OPCML: variants seen among roughly 807,000 people sequenced by gnomAD.
The protein encoded by OPCML is opioid-binding protein/cell adhesion molecule.
A neutral mutation model predicts 37.8 loss-of-function variants in OPCML; 13 were observed. The ratio of observed to expected loss-of-function variants is 0.34; its 90% CI spans 0.22 to 0.55. The LOEUF is 0.55. Ranked by LOEUF, OPCML falls within the 20% of genes least tolerant of loss-of-function variation. The pLI, the probability that OPCML is intolerant of heterozygous loss-of-function variation, is 0.91. For missense variants in OPCML, 341 were observed against 435.6 expected, an observed-to-expected ratio of 0.78 and a Z score of 1.93; for synonymous variants, 176 against 168.8, an observed-to-expected ratio of 1.04 and a Z score of -0.33.
At chr11:132,766,078 C>A (rs1946433680) in intron 2 of OPCML, among the ~76,000 whole-genome samples, 1 of 146,528 alleles carries the variant, frequency 6.8e-6, no homozygotes, top group East Asian at 2.1e-4. Flanking sequence ...AATAAAATGT[C>A]ATGGTCCCAT....
chr11:133,077,426 G>A (rs570751500), intron 1 of OPCML, among the ~76,000 whole-genome samples: 11 of 152,192 alleles, frequency 7.2e-5, no homozygotes, highest in East Asian at 5.8e-4. Flanking sequence ...ACCTAATGAC[G>A]CTTGTAAAAC....
chr11:132,489,388 A>G (rs2096209170), intron 4 of OPCML, among the ~76,000 whole-genome samples: 1 of 152,226 alleles, frequency 6.6e-6, no homozygotes, highest in African/African-American at 2.4e-5. Context: ...TATAAGTAAA[A>G]GGAGTATGAT....
At chr11:133,404,632 G>A (rs558913134) in intron 1 of OPCML, among the ~76,000 whole-genome samples, 6 of 152,336 alleles carry the variant, frequency 3.9e-5, no homozygotes, top group East Asian at 1.9e-4. Flanking sequence ...AGAAGAGGTC[G>A]ATTGAGTAGT....
chr11:132,426,147 C>A (rs2136677196), intron 7 of OPCML, among the ~76,000 whole-genome samples: 2 of 152,202 alleles, frequency 1.3e-5, no homozygotes, highest in Non-Finnish European at 2.9e-5. Context: ...AACACAGTGA[C>A]AACAACAAAA....
At chr11:133,312,720 T>A (rs895866961) in intron 1 of OPCML, among the ~76,000 whole-genome samples, 3 of 152,206 alleles carry the variant, frequency 2.0e-5, no homozygotes, top group Non-Finnish European at 2.9e-5. Context: ...CACCACCTGC[T>A]TAGCTAAAAA....
chr11:132,789,616 G>A (rs12807044), intron 2 of OPCML, among the ~76,000 whole-genome samples: 13,086 of 152,218 alleles, frequency 0.086, 617 homozygotes, highest in African/African-American at 0.099. Context: ...TCTGAACCTA[G>A]AGGTTATACT....
chr11:133,186,247 GA>G (rs1565492222), intron 1 of OPCML, among the ~76,000 whole-genome samples: 1 of 152,180 alleles, frequency 6.6e-6, no homozygotes, highest in Admixed American at 6.5e-5. Flanking sequence ...AGCTCCAAAA[GA>G]GAAGTTTTTA....
intron 1 of OPCML, among the ~76,000 whole-genome samples, chr11:133,140,695 GGAAGAA>G (rs1307409732): frequency 3.5e-5 from 3 of 85,606 alleles, no homozygotes; most frequent in East Asian, 8.0e-4. Flanking sequence ...GATGGAAGAC[GGAAGAA>G]GAAGACGGAA....
chr11:132,661,380 T>A (rs1379084679), intron 2 of OPCML, among the ~76,000 whole-genome samples: 1 of 152,194 alleles, frequency 6.6e-6, no homozygotes, highest in African/African-American at 2.4e-5. Context: ...GATGTTGCTC[T>A]GCTTCAAAAG....
intron 1 of OPCML, among the ~76,000 whole-genome samples, chr11:133,122,529 T>C (rs1949438125): frequency 6.6e-6 from 1 of 152,066 alleles, no homozygotes; most frequent in African/African-American, 2.4e-5. Flanking sequence ...TCCTCCTGGG[T>C]GCTTAGATTT....
At chr11:132,776,961 A>C (rs1946829956) in intron 2 of OPCML, among the ~76,000 whole-genome samples, 2 of 152,090 alleles carry the variant, frequency 1.3e-5, no homozygotes, top group Non-Finnish European at 2.9e-5. Flanking sequence ...TCACCAAAGG[A>C]ACTTGGGGTC....
rs1555114265 is a variant in OPCML at position 133,204,909 on chromosome 11, T to TAC, written c.62-261901_62-261900dup. Reference sequence around the variant, plus strand: ...ATATATATATATATATATATATATATACATACACATTTAGATATGGTCTTT... The same window carrying TAC: ...ATATATATATATATATATATATATATACACATACACATTTAGATATGGTCTTT... On this transcript the variant is annotated intron_variant, in intron 1 of 7. Coordinates refer to ENST00000524381, the MANE Select transcript of OPCML (RefSeq NM_001012393.5). 2.8e-3 allele frequency among the ~76,000 whole-genome samples: 371 copies of TAC among 130,644 alleles called. 1 individual carries two copies. Among genetic ancestry groups the TAC allele is most frequent in the Non-Finnish European group, 4.6e-3 (284 of 61,914 alleles). 85.7% of individuals were successfully genotyped at this position (130,644 alleles called of 152,430 possible).
intron 1 of OPCML, among the ~76,000 whole-genome samples, chr11:133,373,003 CTT>C (rs1446418253): frequency 6.6e-6 from 1 of 152,078 alleles, no homozygotes; most frequent in South Asian, 2.1e-4. Context: ...ACAAAATACT[CTT>C]TTCTTTGAGG....
chr11:132,863,167 A>G (rs1236093514), intron 2 of OPCML, among the ~76,000 whole-genome samples: 1 of 152,116 alleles, frequency 6.6e-6, no homozygotes, highest in East Asian at 1.9e-4. Context: ...CTGTAGCTAC[A>G]TTGCATGGGG....
intron 3 of OPCML, among the ~76,000 whole-genome samples, chr11:132,541,184 C>T (rs373221616): frequency 6.6e-6 from 1 of 152,196 alleles, no homozygotes; most frequent in African/African-American, 2.4e-5. Flanking sequence ...CAATCCAAGT[C>T]TCTCTCTCAC....
At chr11:133,249,947 C>T (rs1378311723) in intron 1 of OPCML, among the ~76,000 whole-genome samples, 1 of 152,200 alleles carries the variant, frequency 6.6e-6, no homozygotes, top group African/African-American at 2.4e-5. Context: ...GAGGAAGCAA[C>T]ACAATTCAGG....
chr11:133,385,928 A>G (rs1031467596), intron 1 of OPCML, among the ~76,000 whole-genome samples: 1 of 151,672 alleles, frequency 6.6e-6, no homozygotes, highest in South Asian at 2.1e-4. Flanking sequence ...TTTTCTCTCT[A>G]AACATCAAAT....
At chr11:133,509,950 G>A (rs1206600314) in intron 1 of OPCML, among the ~76,000 whole-genome samples, 1 of 152,158 alleles carries the variant, frequency 6.6e-6, no homozygotes, top group African/African-American at 2.4e-5. Context: ...CCCTCACCAG[G>A]CACATTACCC....
chr11:132,832,184 C>T (rs575492317), intron 2 of OPCML, among the ~76,000 whole-genome samples: 60 of 150,510 alleles, frequency 4.0e-4, no homozygotes, highest in Non-Finnish European at 6.0e-4. Context: ...CATCAAAAGG[C>T]AGTTAAGCAT....
Sources: allele counts gnomAD v4.1 joint callset (sites outside exome capture counted in the v4.1 genomes callset), GRCh38; gene constraint gnomAD v4.1.1; transcripts MANE v1.5; gene names NCBI Gene and HGNC (gene_info 2026-07-23, HGNC 2026-07-21).